Variants in SYT1 observed in about 807,000 individuals in gnomAD.
SYT1 encodes the protein synaptotagmin-1.
SYT1 carries 8 observed loss-of-function variants against 44.8 expected under a neutral mutation model. The ratio of observed to expected loss-of-function variants is 0.18; its 90% CI spans 0.10 to 0.32. The LOEUF (loss-of-function observed/expected upper bound fraction) is 0.32. Ranked by LOEUF, SYT1 falls within the 10% of genes least tolerant of loss-of-function variation. The probability of loss-of-function intolerance (pLI) is 1.00; values close to 1 mark genes in which losing one functional copy is unlikely to be tolerated. For synonymous variants in SYT1, 154 were observed against 188.8 expected, an observed-to-expected ratio of 0.82 and a Z score of 1.51; for missense variants, 286 against 509.3, an observed-to-expected ratio of 0.56 and a Z score of 4.22.
intron 3 of SYT1, among the ~76,000 whole-genome samples, chr12:79,127,750 G>T (rs183653175): frequency 6.6e-6 from 1 of 152,178 alleles, no homozygotes; most frequent in Non-Finnish European, 1.5e-5. Flanking sequence ...AAGACGAAAA[G>T]CTCATAGGAG....
rs535062286 is a variant in SYT1 at position 78,875,971 on chromosome 12, A to G, written c.-217+10862A>G. On this transcript the variant is annotated intron_variant, in intron 1 of 10. Coordinates refer to ENST00000261205, the MANE Select transcript of SYT1 (RefSeq NM_005639.3). ...CCTCATTTCTAAAGAAATTAAATACATGGCCTAACTCCAGTTTTATTGTTC... is the reference window on the plus strand; with the variant it reads ...CCTCATTTCTAAAGAAATTAAATACGTGGCCTAACTCCAGTTTTATTGTTC... 2.6e-5 allele frequency among the ~76,000 whole-genome samples: 4 copies of G among 151,764 alleles called. No individual in the cohort carries two copies. In the East Asian group the frequency reaches 7.8e-4, roughly 30 times the overall value.
In SYT1 at chr12:79,410,606, G is replaced by A. The variant is rs1336792744; in HGVS notation, c.929-33467G>A. Among the ~76,000 whole-genome samples, 3 of 151,152 alleles carry A rather than the reference G, an allele frequency of 2.0e-5. No individual in the cohort carries two copies. The South Asian group carries it at 6.3e-4, about 32-fold the overall frequency. The stretch of plus-strand genomic sequence containing the variant: ...ATCTCAGATGAAGAACTTTCCTCTA[G>A]TAATAGGCTCCTTTTCCCTAAATGT... On this transcript the variant is annotated intron_variant, in intron 9 of 10. Transcript: ENST00000261205.
chr12:78,968,372 C>CCT (rs1868298213), intron 1 of SYT1, among the ~76,000 whole-genome samples: 1 of 151,968 alleles, frequency 6.6e-6, no homozygotes, highest in African/African-American at 2.4e-5. Flanking sequence ...TTCATACACC[C>CCT]CTCTAGCCCC....
chr12:79,180,914 G>A (rs537483681), intron 3 of SYT1, among the ~76,000 whole-genome samples: 43 of 152,010 alleles, frequency 2.8e-4, no homozygotes, highest in African/African-American at 1.0e-3. Context: ...TGAATCATGG[G>A]GGCAGTTACC....
At chr12:79,293,360 TAAAA>T (rs1879698191) in intron 6 of SYT1, among the ~76,000 whole-genome samples, 2 of 121,266 alleles carry the variant, frequency 1.6e-5, no homozygotes, top group East Asian at 2.5e-4. Flanking sequence ...TAAAATAAAA[TAAAA>T]TAAAATAAAA....
chr12:79,304,883 C>T (rs1302898080), intron 8 of SYT1, among the ~76,000 whole-genome samples: 4 of 152,028 alleles, frequency 2.6e-5, no homozygotes. Flanking sequence ...GCGTCCATAT[C>T]ATGGGACTTG....
chr12:79,292,383 T>G (rs1879630340), intron 6 of SYT1, among the ~76,000 whole-genome samples: 1 of 152,154 alleles, frequency 6.6e-6, no homozygotes, highest in Non-Finnish European at 1.5e-5. Context: ...AGAATACAAA[T>G]TAACTTGAAG....
chr12:78,879,850 G>A (rs1874362615), intron 1 of SYT1, among the ~76,000 whole-genome samples: 1 of 151,626 alleles, frequency 6.6e-6, no homozygotes, highest in African/African-American at 2.4e-5. Context: ...CTTTTTTCAG[G>A]TTTTTAATAT....
chr12:78,886,009 T>A (rs2137064711), intron 1 of SYT1, among the ~76,000 whole-genome samples: 1 of 151,966 alleles, frequency 6.6e-6, no homozygotes, highest in Non-Finnish European at 1.5e-5. Flanking sequence ...TTCCTATCCA[T>A]TTTTTATAAG....
intron 5 of SYT1, among the ~76,000 whole-genome samples, chr12:79,288,032 A>G (rs917130398): frequency 2.0e-5 from 3 of 152,180 alleles, no homozygotes; most frequent in African/African-American, 7.2e-5. Context: ...GTTATGAACA[A>G]TTAAATTCAC....
intron 1 of SYT1, among the ~76,000 whole-genome samples, chr12:78,870,202 T>C (rs1873747402): frequency 6.6e-6 from 1 of 152,200 alleles, no homozygotes; most frequent in South Asian, 2.1e-4. Context: ...AGATACTAGC[T>C]TGCAACCATG....
At chr12:79,073,801 C>T (rs542002781) in intron 3 of SYT1, among the ~76,000 whole-genome samples, 6 of 152,264 alleles carry the variant, frequency 3.9e-5, no homozygotes, top group African/African-American at 1.4e-4. Flanking sequence ...CTACCTGACT[C>T]TCTTTTTCTG....
chr12:78,979,097 A>T (rs1869058563), intron 2 of SYT1, among the ~76,000 whole-genome samples: 1 of 151,996 alleles, frequency 6.6e-6, no homozygotes, highest in Non-Finnish European at 1.5e-5. Context: ...CTTTACATGG[A>T]TTTCTTTTTA....
At chr12:79,369,229 C>G (rs544610330) in intron 9 of SYT1, among the ~76,000 whole-genome samples, 1 of 152,264 alleles carries the variant, frequency 6.6e-6, no homozygotes, top group South Asian at 2.1e-4. Context: ...TCCCTGTAAT[C>G]CCAGAACTTT....
chr12:79,130,064 C>T (rs924912115), intron 3 of SYT1, among the ~76,000 whole-genome samples: 2 of 152,028 alleles, frequency 1.3e-5, no homozygotes, highest in African/African-American at 4.8e-5. Context: ...TTTCATTGTA[C>T]ATAAAAACAT....
chr12:79,289,787 T>C (rs769131937), intron 5 of SYT1, among the ~76,000 whole-genome samples: 5 of 152,096 alleles, frequency 3.3e-5, no homozygotes, highest in Non-Finnish European at 5.9e-5. Context: ...GAAGCTGCAA[T>C]TTCCTGAGCA....
chr12:79,235,435 A>T (rs1003722361), intron 4 of SYT1, among the ~76,000 whole-genome samples: 2 of 152,036 alleles, frequency 1.3e-5, no homozygotes, highest in Non-Finnish European at 2.9e-5. Context: ...CATGACCTTG[A>T]TATAGACAAA....
intron 8 of SYT1, among the ~76,000 whole-genome samples, chr12:79,300,989 A>G (rs1049096954): frequency 4.0e-5 from 6 of 151,538 alleles, no homozygotes; most frequent in Non-Finnish European, 8.8e-5. Flanking sequence ...GTAATGTTAC[A>G]GACATCTTCA....
chr12:79,101,645 G>A (rs769245306), intron 3 of SYT1, among the ~76,000 whole-genome samples: 1 of 152,152 alleles, frequency 6.6e-6, no homozygotes, highest in Admixed American at 6.5e-5. Flanking sequence ...AATAAGCTTG[G>A]TGTGGTGGCT....
Sources: gnomAD v4.1 joint callset for allele counts (sites outside exome capture counted in the v4.1 genomes callset) on GRCh38, gnomAD v4.1.1 for gene constraint, MANE v1.5 for transcripts, NCBI Gene and HGNC (gene_info 2026-07-23, HGNC 2026-07-21) for gene names.